The following GRIN2A variants were observed in gnomAD, a reference collection of about 807,000 sequenced individuals.
The protein encoded by GRIN2A is glutamate receptor ionotropic, NMDA 2A.
In GRIN2A, 22 loss-of-function variants were observed where a neutral mutation model predicts 113.4. The ratio of observed to expected loss-of-function variants is 0.19; its 90% CI spans 0.14 to 0.28. GRIN2A has a LOEUF of 0.28. Among genes scored for constraint, GRIN2A ranks in the 10% least tolerant of loss-of-function variants. GRIN2A has a pLI of 1.00. For missense variants in GRIN2A, 1,502 were observed against 1,887.0 expected (o/e 0.80, Z 3.78); for synonymous variants, 827 against 738.4 (o/e 1.12, Z -1.94).
intron 2 of GRIN2A, among the ~76,000 whole-genome samples, chr16:9,959,253 C>A (rs1305495527): frequency 6.6e-6 from 1 of 152,310 alleles, no homozygotes; most frequent in South Asian, 2.1e-4. Context: ...GAAAACATCT[C>A]CAATCTCCTA....
intron 3 of GRIN2A, among the ~76,000 whole-genome samples, chr16:9,909,287 C>T (rs903890915): frequency 6.6e-6 from 1 of 152,192 alleles, no homozygotes; most frequent in African/African-American, 2.4e-5. Context: ...CCAGGTCCTT[C>T]CCACAACATG....
chr16:10,096,539 A>AAAACACACACACACAC (rs367870878), intron 2 of GRIN2A, among the ~76,000 whole-genome samples: 1 of 137,670 alleles, frequency 7.3e-6, no homozygotes. Flanking sequence ...ATTGTGGTAA[A>AAAACACACACACACAC]ACACACACAC....
Position 10,046,326 on chromosome 16 carries a change from TTG to T in GRIN2A, c.415-107777_415-107776del, listed in dbSNP as rs1313965267. Among the ~76,000 whole-genome samples the T allele has an allele frequency of 2.9e-4, 31 of 107,174 alleles. 1 individual carries two copies. Among genetic ancestry groups the T allele is most frequent in the Non-Finnish European group, 3.8e-5 (2 of 53,064 alleles). The allele number at this position is 107,174 out of a possible 152,430, so 70.3% of individuals were successfully genotyped here. ...AAAAAGGATGAAATACATTTTTAAA[TTG>T]TTTTTTTTTTTTTCTTAAAGCCATG... On this transcript the variant is annotated intron_variant, in intron 2 of 12. Coordinates refer to ENST00000330684, the MANE Select transcript of GRIN2A (RefSeq NM_001134407.3).
At chr16:10,019,434 G>A (rs903034160) in intron 2 of GRIN2A, among the ~76,000 whole-genome samples, 11 of 152,208 alleles carry the variant, frequency 7.2e-5, no homozygotes, top group African/African-American at 1.9e-4. Context: ...GGATAGCAAG[G>A]AGGAAATGTT....
Position 9,894,702 on chromosome 16 carries a change from G to T in GRIN2A, c.1008-3602C>A, listed in dbSNP as rs187922804. Among the ~76,000 whole-genome samples the T allele has an allele frequency of 7.1e-4, 108 of 152,236 alleles. 1 individual carries two copies. Among genetic ancestry groups the T allele is most frequent in the Non-Finnish European group, 1.2e-3 (85 of 68,008 alleles). On this transcript the variant is annotated intron_variant, in intron 3 of 12. Coordinates refer to ENST00000330684, the MANE Select transcript of GRIN2A (RefSeq NM_001134407.3). ...TTTTATTTTTTAAGCTGACATTTTG[G>T]TTCCATTTCCCAGGGTTATTTTTAG...
intron 10 of GRIN2A, among the ~76,000 whole-genome samples, chr16:9,806,031 T>C (rs564379010): frequency 3.9e-5 from 6 of 152,192 alleles, no homozygotes; most frequent in African/African-American, 1.4e-4. Context: ...TATACCAACA[T>C]TGATGAATTT....
chr16:10,050,383 G>C lies in GRIN2A; in HGVS notation c.415-111832C>G, dbSNP rs562102140. 9.9e-4 allele frequency among the ~76,000 whole-genome samples: 151 copies of C among 152,250 alleles called. 2 individuals carry two copies. The highest frequency in any genetic ancestry group is 3.6e-3 in the African/African-American group (149 of 41,548). On this transcript the variant is annotated intron_variant, in intron 2 of 12. Transcript: ENST00000330684. ...CAGGTGAGCAAGTGAAGCTTTATCTGTATTTATAGCTGCTCCCCATTGCTT... is the reference window on the plus strand; with the variant it reads ...CAGGTGAGCAAGTGAAGCTTTATCTCTATTTATAGCTGCTCCCCATTGCTT...
chr16:10,050,973 G>T (rs1426433824), intron 2 of GRIN2A, among the ~76,000 whole-genome samples: 1 of 152,158 alleles, frequency 6.6e-6, no homozygotes, highest in Non-Finnish European at 1.5e-5. Flanking sequence ...AATTTGTTAT[G>T]GCAGCAATAG....
chr16:10,150,358 T>C (rs897009110), intron 2 of GRIN2A, among the ~76,000 whole-genome samples: 3 of 152,204 alleles, frequency 2.0e-5, no homozygotes, highest in African/African-American at 7.2e-5. Context: ...TTTTATAAGG[T>C]GGGAACAAGG....
intron 2 of GRIN2A, among the ~76,000 whole-genome samples, chr16:9,955,882 GA>G (rs2045295772): frequency 6.6e-6 from 1 of 152,168 alleles, no homozygotes; most frequent in South Asian, 2.1e-4. Context: ...AACAAACCAG[GA>G]AACCCATCAG....
intron 2 of GRIN2A, among the ~76,000 whole-genome samples, chr16:10,101,806 G>C (rs975560853): frequency 7.9e-5 from 12 of 152,216 alleles, no homozygotes; most frequent in Admixed American, 5.2e-4. Context: ...TCTTCCGCTG[G>C]AGAGATAGCC....
intron 2 of GRIN2A, among the ~76,000 whole-genome samples, chr16:10,042,378 G>A (rs1330197962): frequency 6.6e-6 from 1 of 151,976 alleles, no homozygotes; most frequent in Non-Finnish European, 1.5e-5. Flanking sequence ...GGGACTTCAA[G>A]CAGCCCCACG....
Position 9,960,958 on chromosome 16 carries a change from AC to A in GRIN2A, c.415-22408del, listed in dbSNP as rs549199978. 1.7e-3 allele frequency among the ~76,000 whole-genome samples: 264 copies of A among 152,312 alleles called. 1 individual carries two copies. The highest frequency in any genetic ancestry group is 6.0e-3 in the African/African-American group (251 of 41,560). ...TCTTAGTCTCAATTTCCTGAGTTAT[AC>A]ACTTGAGCTAATAACATTTACCATT... On this transcript the variant is annotated intron_variant, in intron 2 of 12. Coordinates refer to ENST00000330684, the MANE Select transcript of GRIN2A (RefSeq NM_001134407.3).
At chr16:9,850,132 G>C (rs2042857729) in intron 4 of GRIN2A, among the ~76,000 whole-genome samples, 171 bp from the exon 5 acceptor site, 1 of 152,144 alleles carries the variant, frequency 6.6e-6, no homozygotes, top group Non-Finnish European at 1.5e-5. Context: ...AGAGAAAACA[G>C]AATATAGGGC....
chr16:10,046,997 T>A (rs1300798197), intron 2 of GRIN2A, among the ~76,000 whole-genome samples: 1 of 152,174 alleles, frequency 6.6e-6, no homozygotes, highest in African/African-American at 2.4e-5. Context: ...GTAGGATGTG[T>A]AGAAGCACCC....
intron 2 of GRIN2A, among the ~76,000 whole-genome samples, chr16:10,011,393 T>C (rs2046502200): frequency 6.6e-6 from 1 of 152,218 alleles, no homozygotes; most frequent in Non-Finnish European, 1.5e-5. Flanking sequence ...GACATCAGCA[T>C]CCAACCATTC....
intron 2 of GRIN2A, among the ~76,000 whole-genome samples, chr16:10,014,991 T>C (rs929195886): frequency 1.3e-5 from 2 of 152,070 alleles, no homozygotes; most frequent in African/African-American, 2.4e-5. Context: ...TGGTGGCTCA[T>C]GCCTGTAATC....
chr16:9,768,085 C>T (rs111379398), intron 12 of GRIN2A, among the ~76,000 whole-genome samples: 3,610 of 152,194 alleles, frequency 0.024, 67 homozygotes, highest in African/African-American at 0.057. Flanking sequence ...GACGGAGTCT[C>T]GCTCTTTCAC....
chr16:9,983,869 G>A (rs144653318), intron 2 of GRIN2A, among the ~76,000 whole-genome samples: 28 of 152,312 alleles, frequency 1.8e-4, no homozygotes, highest in African/African-American at 6.7e-4. Flanking sequence ...ACATGGCAGT[G>A]GGTAAAGAAT....
Sources: gnomAD v4.1 joint callset for allele counts (sites outside exome capture counted in the v4.1 genomes callset) on GRCh38, gnomAD v4.1.1 for gene constraint, MANE v1.5 for transcripts, NCBI Gene and HGNC (gene_info 2026-07-23, HGNC 2026-07-21) for gene names.